Variants in IL1RAPL2 observed in about 807,000 individuals in gnomAD.
IL1RAPL2 encodes the protein interleukin 1 receptor accessory protein like 2.
In IL1RAPL2, 3 loss-of-function variants were observed where a neutral mutation model predicts 44.1. That is an observed-to-expected ratio of 0.07 (90% CI 0.03 to 0.18). IL1RAPL2 has a LOEUF of 0.18. Among genes scored for constraint, IL1RAPL2 ranks in the 10% least tolerant of loss-of-function variants. IL1RAPL2 has a pLI of 1.00. For missense variants in IL1RAPL2, 391 were observed against 496.4 expected, an observed-to-expected ratio of 0.79 and a Z score of 2.02; for synonymous variants, 181 against 178.8, an observed-to-expected ratio of 1.01 and a Z score of -0.10.
intron 2 of IL1RAPL2, among the ~76,000 whole-genome samples, chrX:104,696,473 T>C (rs1324143910): frequency 8.9e-6 from 1 of 112,100 alleles, no homozygotes; most frequent in Non-Finnish European, 1.9e-5. Context: ...TTTGTGTGCA[T>C]ATTAAAGTTT....
chrX:105,704,688 T>C (rs1315972873), intron 6 of IL1RAPL2, among the ~76,000 whole-genome samples: 5 of 111,202 alleles, frequency 4.5e-5, no homozygotes, highest in African/African-American at 1.3e-4. Context: ...TAGGTAAACA[T>C]GTGCCATGGT....
chrX:104,850,243 G>A (rs1057417858), intron 2 of IL1RAPL2, among the ~76,000 whole-genome samples: 9 of 110,295 alleles, frequency 8.2e-5, no homozygotes, highest in Admixed American at 4.9e-4. Flanking sequence ...ATTTTTATTT[G>A]TTTTAAGTGA....
intron 6 of IL1RAPL2, among the ~76,000 whole-genome samples, chrX:105,528,368 C>G (rs1325408604): frequency 2.7e-5 from 3 of 111,601 alleles, no homozygotes; most frequent in Non-Finnish European, 5.7e-5. Flanking sequence ...GAATTTAGAG[C>G]ATTTGACTCC....
At chrX:105,516,073 C>CTTCCAACA (rs933576879) in intron 6 of IL1RAPL2, among the ~76,000 whole-genome samples, 1 of 110,868 alleles carries the variant, frequency 9.0e-6, no homozygotes, top group African/African-American at 3.3e-5. Flanking sequence ...GGCAACAAGT[C>CTTCCAACA]AGGAGAAGGA....
chrX:104,920,533 TCCCC>T (rs1425042465), intron 2 of IL1RAPL2, among the ~76,000 whole-genome samples: 1 of 98,821 alleles, frequency 1.0e-5, no homozygotes, highest in Non-Finnish European at 2.1e-5. Flanking sequence ...TCCCCTCCCC[TCCCC>T]TCTCTTGCTC....
chrX:105,615,958 C>T (rs1338254042), intron 6 of IL1RAPL2, among the ~76,000 whole-genome samples: 1 of 111,429 alleles, frequency 9.0e-6, no homozygotes, highest in Non-Finnish European at 1.9e-5. Flanking sequence ...TATGCACCTA[C>T]TATGTACCCA....
At chrX:104,938,176 T>C (rs1426229263) in intron 2 of IL1RAPL2, among the ~76,000 whole-genome samples, 3 of 112,455 alleles carry the variant, frequency 2.7e-5, no homozygotes, top group Admixed American at 1.9e-4. Flanking sequence ...TATAAACATA[T>C]TTATTTTGGG....
At chrX:105,711,126 A>G (rs952973961) in intron 6 of IL1RAPL2, among the ~76,000 whole-genome samples, 2 of 109,875 alleles carry the variant, frequency 1.8e-5, no homozygotes, top group Non-Finnish European at 3.8e-5. Flanking sequence ...TTTCCTTCTT[A>G]ACATATAGAA....
rs147137475 is a variant in IL1RAPL2, at chrX:104,971,727, T to C, written c.83-223748T>C. On this transcript the variant is annotated intron_variant, in intron 2 of 10. Coordinates refer to ENST00000372582, the MANE Select transcript of IL1RAPL2 (RefSeq NM_017416.2). ...AGGTCGTTTTAGGGTTGACTCATGATAGACAAAACCACTCCATAGTGCCAC... is the reference window on the plus strand; with the variant it reads ...AGGTCGTTTTAGGGTTGACTCATGACAGACAAAACCACTCCATAGTGCCAC... 3.5e-3 allele frequency among the ~76,000 whole-genome samples: 390 copies of C among 111,252 alleles called. 2 individuals are homozygous for C. Among genetic ancestry groups the C allele is most frequent in the African/African-American group, 0.012 (367 of 30,620 alleles).
chrX:104,726,019 T>C (rs1298345412), intron 2 of IL1RAPL2, among the ~76,000 whole-genome samples: 1 of 112,007 alleles, frequency 8.9e-6, no homozygotes, highest in Admixed American at 9.5e-5. Flanking sequence ...TGGTTTTAGG[T>C]CTTAGGTTTA....
At chrX:105,027,698 G>A (rs2031397751) in intron 2 of IL1RAPL2, among the ~76,000 whole-genome samples, 1 of 111,373 alleles carries the variant, frequency 9.0e-6, no homozygotes, top group South Asian at 3.8e-4. Context: ...TGAGGATGTG[G>A]AGAAAAGGGA....
At chrX:105,328,213 G>A (rs1031044507) in intron 5 of IL1RAPL2, among the ~76,000 whole-genome samples, 28 of 111,849 alleles carry the variant, frequency 2.5e-4, no homozygotes, top group African/African-American at 7.5e-4. Context: ...CTGAACCTAG[G>A]AGGAAGTTGT....
chrX:105,407,457 C>T (rs2035655804), intron 5 of IL1RAPL2, among the ~76,000 whole-genome samples: 1 of 111,305 alleles, frequency 9.0e-6, no homozygotes, highest in Admixed American at 9.5e-5. Flanking sequence ...TTATTGAATA[C>T]CTAGATGCAG....
intron 7 of IL1RAPL2, among the ~76,000 whole-genome samples, chrX:105,722,409 A>G (rs1249963814): frequency 2.7e-5 from 3 of 111,535 alleles, no homozygotes; most frequent in Admixed American, 9.6e-5. Flanking sequence ...CTAATACAGG[A>G]ACTAATTAAC....
chrX:104,738,802 T>C (rs1180929145), intron 2 of IL1RAPL2, among the ~76,000 whole-genome samples: 1 of 111,343 alleles, frequency 9.0e-6, no homozygotes, highest in Non-Finnish European at 1.9e-5. Flanking sequence ...TAGCCAGATG[T>C]GGTGGCACAT....
chrX:104,829,130 G>A (rs1267471668), intron 2 of IL1RAPL2, among the ~76,000 whole-genome samples: 1 of 111,560 alleles, frequency 9.0e-6, no homozygotes, highest in Non-Finnish European at 1.9e-5. Context: ...CTTTCCAGGG[G>A]AGTGAACGTT....
At chrX:105,092,214 G>A (rs994275706) in intron 2 of IL1RAPL2, among the ~76,000 whole-genome samples, 1 of 111,277 alleles carries the variant, frequency 9.0e-6, no homozygotes, top group Non-Finnish European at 1.9e-5. Flanking sequence ...CTCCAAGACT[G>A]CACTCACTTC....
At chrX:104,773,655 C>A (rs1488101571) in intron 2 of IL1RAPL2, among the ~76,000 whole-genome samples, 3 of 111,826 alleles carry the variant, frequency 2.7e-5, no homozygotes, top group South Asian at 7.5e-4. Context: ...GAAAGAAGTT[C>A]GTGCTGTTGT....
intron 5 of IL1RAPL2, among the ~76,000 whole-genome samples, chrX:105,451,869 CAGAG>C (rs1040997732): frequency 9.0e-6 from 1 of 111,454 alleles, no homozygotes; most frequent in African/African-American, 3.3e-5. Context: ...CCACATTCAA[CAGAG>C]AGAGAGGTAG....
Sources: gnomAD v4.1 joint callset for allele counts (sites outside exome capture counted in the v4.1 genomes callset) on GRCh38, gnomAD v4.1.1 for gene constraint, MANE v1.5 for transcripts, NCBI Gene and HGNC (gene_info 2026-07-23, HGNC 2026-07-21) for gene names.